The following TBC1D22A variants were observed in gnomAD, a reference collection of about 807,000 sequenced individuals.
TBC1D22A encodes the protein putative GTPase activator.
TBC1D22A carries 38 observed loss-of-function variants against 60.2 expected under a neutral mutation model. The observed-to-expected ratio is 0.63, with a 90% CI of 0.49 to 0.83. The LOEUF (loss-of-function observed/expected upper bound fraction) is 0.83. Among genes scored for constraint, TBC1D22A ranks in the 40% least tolerant of loss-of-function variants. TBC1D22A has a pLI of 0.00. For synonymous variants in TBC1D22A, 302 were observed against 281.7 expected (o/e 1.07, Z -0.72); for missense variants, 628 against 701.0 (o/e 0.90, Z 1.18).
chr22:47,104,886 T>C (rs539244931), intron 11 of TBC1D22A, among the ~76,000 whole-genome samples: 41 of 152,168 alleles, frequency 2.7e-4, no homozygotes, highest in African/African-American at 9.9e-4. Context: ...AATTCACCTA[T>C]CGCCTGGGAA....
In TBC1D22A at chr22:47,073,297, A is replaced by G. The variant is rs537704112; in HGVS notation, c.1329+36099A>G. ...GAAAGCAACTATTGTTATTCCAGAT[A>G]CTGAAGCACAGAGTCTATTTTGTGC... On this transcript the variant is annotated intron_variant, in intron 11 of 12. Transcript: ENST00000337137. Among the ~76,000 whole-genome samples the G allele has an allele frequency of 3.9e-5, 6 of 152,354 alleles. No individual in the cohort carries two copies. In the South Asian group the frequency reaches 1.2e-3, roughly 32 times the overall value.
intron 12 of TBC1D22A, chr22:47,116,221 T>C (rs2066047131): frequency 6.6e-6 from 1 of 152,284 alleles, no homozygotes; most frequent in South Asian, 2.1e-4. Flanking sequence ...CTTGTGAGGC[T>C]GGAAGCTCCA....
chr22:47,080,680 GT>G (rs550770527), intron 11 of TBC1D22A, among the ~76,000 whole-genome samples: 104 of 151,882 alleles, frequency 6.8e-4, no homozygotes, highest in African/African-American at 2.4e-3. Context: ...AGGAATTTTA[GT>G]TTTTACCTTC....
At chr22:47,056,242 G>A (rs933727756) in intron 11 of TBC1D22A, among the ~76,000 whole-genome samples, 15 of 152,032 alleles carry the variant, frequency 9.9e-5, no homozygotes, top group Admixed American at 7.2e-4. Context: ...GCCTTCCTCC[G>A]CATGACCTGG....
chr22:47,093,219 C>T (rs866011251), intron 11 of TBC1D22A, among the ~76,000 whole-genome samples: 4 of 152,140 alleles, frequency 2.6e-5, no homozygotes, highest in Admixed American at 6.5e-5. Flanking sequence ...TGAAGTGAGC[C>T]GCCTCCCTGA....
At chr22:46,896,818 A>G (rs1301636828) in intron 7 of TBC1D22A, among the ~76,000 whole-genome samples, 2 of 151,766 alleles carry the variant, frequency 1.3e-5, no homozygotes, top group Non-Finnish European at 2.9e-5. Context: ...TTGCTCTTCC[A>G]CGTACGTCTC....
chr22:46,842,952 G>A (rs948936099), intron 4 of TBC1D22A, among the ~76,000 whole-genome samples: 2 of 152,248 alleles, frequency 1.3e-5, no homozygotes, highest in East Asian at 3.8e-4. Context: ...GGAGATGGAA[G>A]GAGTGCAGAA....
intron 12 of TBC1D22A, among the ~76,000 whole-genome samples, chr22:47,120,797 G>T (rs116188197): frequency 0.012 from 1,850 of 152,280 alleles, 37 homozygotes; most frequent in African/African-American, 0.042. Flanking sequence ...ACTCATTTAG[G>T]TCTAGAAGTT....
intron 11 of TBC1D22A, among the ~76,000 whole-genome samples, chr22:47,098,520 G>T (rs1023025096): frequency 6.6e-6 from 1 of 152,208 alleles, no homozygotes; most frequent in African/African-American, 2.4e-5. Context: ...CCAACCCCAT[G>T]CACCAGGCTG....
intron 11 of TBC1D22A, among the ~76,000 whole-genome samples, chr22:47,091,532 AGTC>A (rs2064975070): frequency 7.9e-6 from 1 of 127,148 alleles, no homozygotes; most frequent in Admixed American, 8.7e-5. Flanking sequence ...AGGCAGGAGA[AGTC>A]GTCTTTGGGG....
chr22:46,840,732 A>T (rs7292955), intron 4 of TBC1D22A, among the ~76,000 whole-genome samples: 1 of 148,440 alleles, frequency 6.7e-6, no homozygotes, highest in African/African-American at 2.5e-5. Context: ...GACTCTGTCT[A>T]CAAAAAAAAA....
At chr22:47,063,364 T>C (rs131935) in intron 11 of TBC1D22A, among the ~76,000 whole-genome samples, 71,500 of 151,860 alleles carry the variant, frequency 0.47, 17,522 homozygotes, top group East Asian at 0.59. Flanking sequence ...CCTTAGGATT[T>C]GGGGAGATGG....
intron 8 of TBC1D22A, among the ~76,000 whole-genome samples, chr22:46,955,998 G>A (rs560563580): frequency 2.6e-5 from 4 of 152,178 alleles, no homozygotes; most frequent in Admixed American, 6.5e-5. Flanking sequence ...TTTCTGTGTC[G>A]CCCTAAACAT....
At chr22:46,976,569 C>G (rs534759253) in intron 9 of TBC1D22A, among the ~76,000 whole-genome samples, 1 of 152,314 alleles carries the variant, frequency 6.6e-6, no homozygotes, top group Admixed American at 6.5e-5. Context: ...ACACGCAGAC[C>G]GGCGTGTCAG....
chr22:46,891,811 G>A (rs991855422), intron 6 of TBC1D22A, among the ~76,000 whole-genome samples: 6 of 152,114 alleles, frequency 3.9e-5, no homozygotes, highest in African/African-American at 1.4e-4. Context: ...GTTCTCTGGC[G>A]CTGGGCTCTT....
chr22:47,097,311 T>A (rs537339170), intron 11 of TBC1D22A, among the ~76,000 whole-genome samples: 1 of 152,222 alleles, frequency 6.6e-6, no homozygotes, highest in African/African-American at 2.4e-5. Context: ...ATAGGGAGTT[T>A]TTATTAGAAG....
chr22:46,847,933 G>T (rs969623745), intron 4 of TBC1D22A, among the ~76,000 whole-genome samples: 4 of 123,744 alleles, frequency 3.2e-5, no homozygotes, highest in African/African-American at 1.3e-4. Context: ...GTGTGTGTGT[G>T]TGTGTGTGTG....
At chr22:46,881,077 A>G (rs1291991990) in intron 5 of TBC1D22A, among the ~76,000 whole-genome samples, 1 of 151,958 alleles carries the variant, frequency 6.6e-6, no homozygotes. Context: ...GACAAGCAGG[A>G]ACACAGGCTG....
At chr22:47,072,009 C>A (rs963857580) in intron 11 of TBC1D22A, among the ~76,000 whole-genome samples, 2 of 152,114 alleles carry the variant, frequency 1.3e-5, no homozygotes, top group Admixed American at 6.5e-5. Context: ...TTGGTCTTTA[C>A]GAGTGTTATT....
Sources: allele counts gnomAD v4.1 joint callset (sites outside exome capture counted in the v4.1 genomes callset), GRCh38; gene constraint gnomAD v4.1.1; transcripts MANE v1.5; gene names NCBI Gene and HGNC (gene_info 2026-07-23, HGNC 2026-07-21).